Variants in ZNF91 observed in about 807,000 individuals in gnomAD.
The protein encoded by ZNF91 is zinc finger protein 91 (HPF7, HTF10).
ZNF91 carries 7 observed loss-of-function variants against 12.6 expected under a neutral mutation model. The ratio of observed to expected loss-of-function variants is 0.55; its 90% confidence interval spans 0.31 to 1.04. The LOEUF (loss-of-function observed/expected upper bound fraction) is 1.04. Ranked by LOEUF, ZNF91 falls within the 50% of genes least tolerant of loss-of-function variation. ZNF91 has a pLI of 0.05. For missense variants in ZNF91, 1,217 were observed against 1,385.4 expected, an observed-to-expected ratio of 0.88 and a Z score of 1.93; for synonymous variants, 453 against 462.6, an observed-to-expected ratio of 0.98 and a Z score of 0.27.
Position 23,322,384 on chromosome 19 carries a change from T to C in ZNF91, n.117-13287A>G, listed in dbSNP as rs534309837. On this transcript the variant is annotated intron_variant and non_coding_transcript_variant, in intron 1 of 1. Transcript: ENST00000596528. ...TGTATCACTAGGCCCAGCACCTAACTGTTGTGGCTCTCTACTTTCTCCTAG... is the reference window on the plus strand; with the variant it reads ...TGTATCACTAGGCCCAGCACCTAACCGTTGTGGCTCTCTACTTTCTCCTAG... Among the ~76,000 whole-genome samples, 77 of 152,310 alleles carry C rather than the reference T, an allele frequency of 5.1e-4. No homozygotes were observed. In the South Asian group the frequency reaches 0.012, roughly 23 times the overall value.
upstream of ZNF91, among the ~76,000 whole-genome samples, chr19:23,313,937 C>T (rs866051118): frequency 3.9e-5 from 6 of 152,228 alleles, no homozygotes; most frequent in Middle Eastern, 3.4e-3. Context: ...AACAGGGACA[C>T]GTGTAGGATC....
chr19:23,393,449 T>C (rs113882874), intron 1 of ZNF91, among the ~76,000 whole-genome samples: 107 of 152,138 alleles, frequency 7.0e-4, no homozygotes, highest in African/African-American at 2.4e-3. Flanking sequence ...TTTATCCCCA[T>C]ACAGTACTGA....
chr19:23,380,044 CAA>C (rs1232913908), intron 1 of ZNF91, among the ~76,000 whole-genome samples: 1 of 151,820 alleles, frequency 6.6e-6, no homozygotes, highest in East Asian at 1.9e-4. Context: ...ATCATGAGGT[CAA>C]GAGTTCAAGA....
downstream of ZNF91, chr19:23,338,063 G>A (rs1017821305): frequency 2.0e-5 from 3 of 151,976 alleles, no homozygotes; most frequent in African/African-American, 7.2e-5. Flanking sequence ...ACATCAAAAA[G>A]TTTAGAAAAC....
chr19:23,385,585 T>C (rs1969843975), intron 1 of ZNF91, among the ~76,000 whole-genome samples: 1 of 152,232 alleles, frequency 6.6e-6, no homozygotes, highest in African/African-American at 2.4e-5. Flanking sequence ...ACAAGAAATC[T>C]AGCTTGGCCA....
intron 2 of ZNF91, 93 bp from the exon 3 acceptor site, chr19:23,373,930 T>A (rs1969399628): frequency 2.9e-6 from 2 of 694,794 alleles, no homozygotes; most frequent in African/African-American, 3.8e-5. Flanking sequence ...TAATAGAATA[T>A]TCTAATAAAT....
chr19:23,380,035 T>C (rs1224213413), intron 1 of ZNF91, among the ~76,000 whole-genome samples: 1 of 151,714 alleles, frequency 6.6e-6, no homozygotes, highest in Non-Finnish European at 1.5e-5. Flanking sequence ...GGTGGGCAGA[T>C]CATGAGGTCA....
chr19:23,359,655 A>G lies in ZNF91; in HGVS notation c.3324T>C (p.Cys1108=). ...CTTTAAAGGCTTTGCCACATTCTCC[A>G]CATTTGTAGGGTTTCTCTCCGGTGT... The part of the protein sequence containing the change: ...RLHTGEKPYK[C]GECGKAFKES... The change falls in exon 4 of 4, where the codon TGT becomes TGC. Residue 1108 remains cysteine (C), a synonymous_variant. Transcript: ENST00000300619. 1 of 1,614,014 alleles carries G rather than the reference A, an allele frequency of 6.2e-7. No individual in the cohort carries two copies. Among genetic ancestry groups the G allele is most frequent in the African/African-American group, 1.3e-5 (1 of 74,994 alleles).
chr19:23,373,603 C>T (rs1599741854), intron 3 of ZNF91, 139 bp downstream of exon 3: 1 of 558,004 alleles, frequency 1.8e-6, no homozygotes, highest in East Asian at 3.4e-5. Flanking sequence ...GAAGTGATAG[C>T]ATAATTTAAA....
chr19:23,318,133 T>G (rs751612598), intron 1 of ZNF91, among the ~76,000 whole-genome samples: 1 of 152,032 alleles, frequency 6.6e-6, no homozygotes, highest in South Asian at 2.1e-4. Flanking sequence ...TCAGTTAATA[T>G]GAGTCTACCC....
intron 3 of ZNF91, among the ~76,000 whole-genome samples, chr19:23,372,610 G>T (rs73565043): frequency 1.3e-5 from 2 of 152,150 alleles, no homozygotes; most frequent in African/African-American, 4.8e-5. Context: ...TGAGAATTTT[G>T]AACTGTACTC....
At chr19:23,321,834 G>A (rs538329454) in intron 1 of ZNF91, among the ~76,000 whole-genome samples, 37 of 152,116 alleles carry the variant, frequency 2.4e-4, no homozygotes, top group Non-Finnish European at 3.7e-4. Context: ...CTCCTCACCC[G>A]CCTGGGCCAC....
At chr19:23,392,414 GA>G (rs76006514) in intron 1 of ZNF91, among the ~76,000 whole-genome samples, 17 of 130,570 alleles carry the variant, frequency 1.3e-4, no homozygotes, top group African/African-American at 3.7e-4. Context: ...AAAAAAAAAA[GA>G]AAAAAAAATA....
chr19:23,316,711 G>A (rs1423201840), intron 1 of ZNF91, among the ~76,000 whole-genome samples: 1 of 152,226 alleles, frequency 6.6e-6, no homozygotes, highest in Non-Finnish European at 1.5e-5. Context: ...GATACTGTCA[G>A]TTTTAGCTGG....
chr19:23,308,043 T>C (rs1440715191), intron 2 of ZNF91: 1 of 152,238 alleles, frequency 6.6e-6, no homozygotes, highest in Non-Finnish European at 1.5e-5. Context: ...AACTTTTCTT[T>C]CTGCCTGGGT....
downstream of ZNF91, chr19:23,338,704 A>G (rs944725556): frequency 1.5e-4 from 23 of 152,182 alleles, no homozygotes; most frequent in African/African-American, 4.8e-4. Flanking sequence ...GATAGTAACA[A>G]AACCTTACAT....
chr19:23,306,547 A>G (rs1967401943), intron 3 of ZNF91, among the ~76,000 whole-genome samples: 1 of 152,186 alleles, frequency 6.6e-6, no homozygotes, highest in South Asian at 2.1e-4. Flanking sequence ...ACTGAGCCCT[A>G]CACCCAAATA....
At chr19:23,380,526 G>T (rs546015218) in intron 1 of ZNF91, 1 of 152,090 alleles carries the variant, frequency 6.6e-6, no homozygotes, top group Non-Finnish European at 1.5e-5. Flanking sequence ...GATACTAATA[G>T]GGTTTCTAAA....
At chr19:23,349,726 C>A (rs1218668530) in intron 3 of ZNF91, among the ~76,000 whole-genome samples, 1 of 152,198 alleles carries the variant, frequency 6.6e-6, no homozygotes, top group Non-Finnish European at 1.5e-5. Flanking sequence ...GACTCCTCAA[C>A]TGGATTCATC....
Sources: allele counts gnomAD v4.1 joint callset (sites outside exome capture counted in the v4.1 genomes callset), GRCh38; gene constraint gnomAD v4.1.1; transcripts MANE v1.5; gene names NCBI Gene and HGNC (gene_info 2026-07-23, HGNC 2026-07-21).